CHRM3: variants seen among roughly 807,000 people sequenced by gnomAD.
CHRM3 encodes the protein cholinergic receptor muscarinic 3, also known as muscarinic acetylcholine receptor M3.
A neutral mutation model predicts 41.8 loss-of-function variants in CHRM3; 11 were observed. The observed-to-expected ratio is 0.26, with a 90% CI of 0.17 to 0.44. The LOEUF (loss-of-function observed/expected upper bound fraction) is 0.44, where lower values mean the gene tolerates loss of function less well. CHRM3 is among the 20% of genes least tolerant of loss of function. The probability of loss-of-function intolerance (pLI) is 1.00; values close to 1 mark genes in which losing one functional copy is unlikely to be tolerated. For missense variants in CHRM3, 571 were observed against 745.4 expected, an observed-to-expected ratio of 0.77 and a Z score of 2.72; for synonymous variants, 297 against 301.4, an observed-to-expected ratio of 0.99 and a Z score of 0.15.
At chr1:239,723,315 C>A (rs1026900103) in intron 5 of CHRM3, among the ~76,000 whole-genome samples, 1 of 151,872 alleles carries the variant, frequency 6.6e-6, no homozygotes, top group Admixed American at 6.6e-5. Context: ...TAAATGCATT[C>A]TAAAGTATAA....
intron 1 of CHRM3, among the ~76,000 whole-genome samples, chr1:239,429,751 G>A (rs1662672152): frequency 1.4e-5 from 2 of 139,068 alleles, no homozygotes; most frequent in Admixed American, 1.4e-4. Context: ...TCTCCCTTCT[G>A]TTAGTATATT....
chr1:239,690,305 C>T lies in CHRM3; in HGVS notation c.-147+12017C>T, dbSNP rs550452531. 1.8e-4 allele frequency among the ~76,000 whole-genome samples: 28 copies of T among 152,130 alleles called. No homozygotes were observed. In the East Asian group the frequency reaches 3.9e-3, roughly 21 times the overall value. ...CGGGATCTCGACTCACTGCAACCTCCGCCTCCCAGGTTCAAGCAATTCTCC... is the reference window on the plus strand; with the variant it reads ...CGGGATCTCGACTCACTGCAACCTCTGCCTCCCAGGTTCAAGCAATTCTCC... On this transcript the variant is annotated intron_variant, in intron 5 of 6. Transcript: ENST00000676153.
At chr1:239,753,848 G>C (rs771329522) in intron 5 of CHRM3, among the ~76,000 whole-genome samples, 15 of 152,140 alleles carry the variant, frequency 9.9e-5, no homozygotes, top group African/African-American at 1.9e-4. Context: ...ATTTTTTAAA[G>C]ATATTTTTCT....
chr1:239,745,912 A>C (rs577674456), intron 5 of CHRM3, among the ~76,000 whole-genome samples: 1 of 152,286 alleles, frequency 6.6e-6, no homozygotes, highest in East Asian at 1.9e-4. Flanking sequence ...CTAAAATTAT[A>C]GTCCACTTCT....
chr1:239,726,324 A>T (rs1420234557), intron 5 of CHRM3, among the ~76,000 whole-genome samples: 2 of 151,932 alleles, frequency 1.3e-5, no homozygotes, highest in Non-Finnish European at 2.9e-5. Context: ...CGAACTTTTG[A>T]ATCAAATAAT....
intron 1 of CHRM3, among the ~76,000 whole-genome samples, chr1:239,471,031 T>C (rs1228096585): frequency 6.6e-6 from 1 of 152,226 alleles, no homozygotes; most frequent in Non-Finnish European, 1.5e-5. Context: ...GTTTCCAGCC[T>C]AGTATCAAAT....
rs111607420 is a variant in CHRM3 at position 239,903,173 on chromosome 1, T to TG, written c.-19-4253dup. Among the ~76,000 whole-genome samples the TG allele has an allele frequency of 1.2e-4, 18 of 152,206 alleles. 1 individual carries two copies. The highest frequency in any genetic ancestry group is 4.3e-4 in the African/African-American group (18 of 41,544). ...TAATTGGACTAGAATACTATTCATT[T>TG]GGGGGGGCTCTTCAGATTCACAGGA... is the stretch of plus-strand genomic sequence containing the variant. On this transcript the variant is annotated intron_variant, in intron 6 of 6. Coordinates refer to ENST00000676153, the MANE Select transcript of CHRM3 (RefSeq NM_001375978.1).
intron 6 of CHRM3, among the ~76,000 whole-genome samples, chr1:239,837,055 A>G (rs534731774): frequency 3.1e-4 from 47 of 152,100 alleles, no homozygotes; most frequent in African/African-American, 1.1e-3. Context: ...ATCCTTTCCT[A>G]TGATCAGTAA....
At chr1:239,442,881 T>G (rs1663839935) in intron 1 of CHRM3, among the ~76,000 whole-genome samples, 1 of 152,190 alleles carries the variant, frequency 6.6e-6, no homozygotes, top group Non-Finnish European at 1.5e-5. Flanking sequence ...GTGGATACAT[T>G]AGTTGTTCCT....
intron 3 of CHRM3, among the ~76,000 whole-genome samples, chr1:239,570,935 A>G (rs6683171): frequency 0.036 from 5,439 of 152,230 alleles, 357 homozygotes; most frequent in African/African-American, 0.13. Context: ...ATCTTCACTG[A>G]TACTAGAAGA....
At chr1:239,488,893 A>G (rs1344899743) in intron 1 of CHRM3, among the ~76,000 whole-genome samples, 2 of 152,134 alleles carry the variant, frequency 1.3e-5, no homozygotes, top group African/African-American at 2.4e-5. Flanking sequence ...ATAAAATTGC[A>G]TAAGAATTGT....
intron 1 of CHRM3, among the ~76,000 whole-genome samples, chr1:239,439,474 A>G (rs1416142307): frequency 6.6e-6 from 1 of 152,182 alleles, no homozygotes; most frequent in Non-Finnish European, 1.5e-5. Flanking sequence ...CTAGTGGACA[A>G]TACCAGGACA....
chr1:239,744,700 C>G (rs114747669), intron 5 of CHRM3, among the ~76,000 whole-genome samples: 2 of 152,030 alleles, frequency 1.3e-5, no homozygotes, highest in Non-Finnish European at 2.9e-5. Context: ...TGAATATCCA[C>G]GGGGAGATGT....
At chr1:239,576,726 A>T (rs1662397150) in intron 3 of CHRM3, among the ~76,000 whole-genome samples, 1 of 151,826 alleles carries the variant, frequency 6.6e-6, no homozygotes, top group South Asian at 2.1e-4. Flanking sequence ...TTGGGGCTGC[A>T]GTGCAGTGAC....
intron 3 of CHRM3, among the ~76,000 whole-genome samples, chr1:239,586,230 GTGTTTTT>G (rs68051841): frequency 0.62 from 93,462 of 151,150 alleles, 34,714 homozygotes; most frequent in Non-Finnish European, 0.8. Flanking sequence ...AATTATATAG[GTGTTTTT>G]TGTTTTTTGT....
chr1:239,639,790 C>T (rs1317899782), intron 4 of CHRM3, among the ~76,000 whole-genome samples: 24 of 149,284 alleles, frequency 1.6e-4, no homozygotes, highest in Non-Finnish European at 8.9e-5. Context: ...GCCAGAACTT[C>T]CAACACTATG....
chr1:239,413,663 T>C lies in CHRM3; in HGVS notation c.-521+26436T>C, dbSNP rs146136102. On this transcript the variant is annotated intron_variant, in intron 1 of 6. Coordinates refer to ENST00000676153, the MANE Select transcript of CHRM3 (RefSeq NM_001375978.1). ...GACAAAACTATGGGACACAAAATAA[T>C]GAGTGGCTATGTGGAAACGAAGAAC... is the stretch of plus-strand genomic sequence containing the variant. Among the ~76,000 whole-genome samples, 965 of 152,306 alleles carry C rather than the reference T, an allele frequency of 6.3e-3. 5 individuals carry two copies. Among genetic ancestry groups the C allele is most frequent in the African/African-American group, 0.022 (924 of 41,564 alleles).
At chr1:239,857,963 G>A (rs1398851343) in intron 6 of CHRM3, among the ~76,000 whole-genome samples, 3 of 152,006 alleles carry the variant, frequency 2.0e-5, no homozygotes, top group African/African-American at 7.2e-5. Flanking sequence ...GAAAAAGGGG[G>A]AATTAATTGA....
chr1:239,874,858 C>T (rs945666062), intron 6 of CHRM3, among the ~76,000 whole-genome samples: 19 of 151,852 alleles, frequency 1.3e-4, no homozygotes, highest in East Asian at 7.8e-4. Flanking sequence ...ACGACCACGC[C>T]GGGCTAATTT....
Sources: allele counts gnomAD v4.1 joint callset (sites outside exome capture counted in the v4.1 genomes callset), GRCh38; gene constraint gnomAD v4.1.1; transcripts MANE v1.5; gene names NCBI Gene and HGNC (gene_info 2026-07-23, HGNC 2026-07-21).